The following ZSCAN25 variants were observed in gnomAD, a reference collection of about 807,000 sequenced individuals.
The protein encoded by ZSCAN25 is zinc finger and SCAN domain-containing protein 25.
In ZSCAN25, 27 loss-of-function variants were observed where a neutral mutation model predicts 38.7. The ratio of observed to expected loss-of-function variants is 0.70; its 90% CI spans 0.51 to 0.96. The LOEUF is 0.96. Among genes scored for constraint, ZSCAN25 ranks in the 40% least tolerant of loss-of-function variants. ZSCAN25 has a pLI of 0.00. For synonymous variants in ZSCAN25, 273 were observed against 277.7 expected (o/e 0.98, Z 0.17); for missense variants, 637 against 705.9 (o/e 0.90, Z 1.11).
At chr7:99,638,960 G>A in the ZSCAN25 span, among the ~76,000 whole-genome samples, 4 of 152,330 alleles carry the variant, frequency 2.6e-5, no homozygotes, top group South Asian at 4.1e-4. Flanking sequence ...TCCTCCAGTC[G>A]CCGCTGCCAC....
the ZSCAN25 span, among the ~76,000 whole-genome samples, chr7:99,639,956 A>G: frequency 2.6e-5 from 4 of 151,752 alleles, no homozygotes; most frequent in Non-Finnish European, 5.9e-5. Flanking sequence ...AGTCCCAGCT[A>G]CTCAAGAGGT....
the ZSCAN25 span, among the ~76,000 whole-genome samples, chr7:99,658,274 C>G: frequency 6.6e-6 from 1 of 152,116 alleles, no homozygotes; most frequent in Non-Finnish European, 1.5e-5. Context: ...TAGGGCAGGC[C>G]TGGTGGTGAC....
At chr7:99,621,675 C>T (rs547130748) in intron 5 of ZSCAN25, 101 bp downstream of exon 5, 11 of 1,013,566 alleles carry the variant, frequency 1.1e-5, no homozygotes, top group East Asian at 3.3e-5. Flanking sequence ...AAGTTACCCA[C>T]GAGGTGTAAT....
chr7:99,684,955 C>A, the ZSCAN25 span: 1 of 468,874 alleles, frequency 2.1e-6, no homozygotes, highest in Non-Finnish European at 3.8e-6. Context: ...TTTATATTCC[C>A]AAGTATAACA....
At chr7:99,654,245 A>C in the ZSCAN25 span, among the ~76,000 whole-genome samples, 43,040 of 151,862 alleles carry the variant, frequency 0.28, 12,039 homozygotes, top group African/African-American at 0.72. Flanking sequence ...TCCCACCCCA[A>C]AACAGGCCCC....
At position 99,619,976 on chromosome 7, in the gene ZSCAN25, GC is replaced by G. The variant is rs1562963525; in HGVS notation, c.371del (p.Ala124AspfsTer87). ...AAMVEDLTER[A>X]LEAKAVPCHR... is the part of the protein sequence containing the mutation. ...CATGGTGGAGGACCTGACAGAAAGAGCACTGGAGGCCAAGGCGGTGGGTGAG... is the reference window on the plus strand; with the variant it reads ...CATGGTGGAGGACCTGACAGAAAGAGACTGGAGGCCAAGGCGGTGGGTGAG... On this transcript the variant is annotated frameshift_variant, in exon 4 of 8. Transcript: ENST00000394152. LOFTEE classifies it high-confidence loss of function. 1.2e-6 allele frequency: 2 copies of G among 1,613,394 alleles called. No individual in the cohort carries two copies. Among genetic ancestry groups the G allele is most frequent in the Non-Finnish European group, 8.5e-7 (1 of 1,179,888 alleles).
chr7:99,717,264 A>G, the ZSCAN25 span: 8 of 1,613,972 alleles, frequency 5.0e-6, no homozygotes, highest in East Asian at 8.9e-5. Flanking sequence ...GATAGGGACC[A>G]TCTAAGCACA....
At chr7:99,624,816 G>A (rs1048925470) in intron 7 of ZSCAN25, among the ~76,000 whole-genome samples, 1 of 152,196 alleles carries the variant, frequency 6.6e-6, no homozygotes, top group Admixed American at 6.5e-5. Flanking sequence ...GCCCACAGGG[G>A]CTGCCAGCAG....
the ZSCAN25 span, among the ~76,000 whole-genome samples, chr7:99,693,154 AG>A: frequency 6.6e-6 from 1 of 152,130 alleles, no homozygotes; most frequent in Non-Finnish European, 1.5e-5. Flanking sequence ...CAGACTCCTC[AG>A]CTGCAGGTCT....
At chr7:99,721,297 T>C in the ZSCAN25 span, among the ~76,000 whole-genome samples, 19 of 152,254 alleles carry the variant, frequency 1.2e-4, no homozygotes, top group African/African-American at 4.3e-4. Flanking sequence ...CACACTTACA[T>C]AGAAAGTTTA....
At chr7:99,695,713 A>G in the ZSCAN25 span, 1 of 1,575,278 alleles carries the variant, frequency 6.3e-7, no homozygotes, top group East Asian at 2.2e-5. Flanking sequence ...CTCCAATCAT[A>G]AGAAGCCAAA....
chr7:99,716,579 G>T, the ZSCAN25 span, among the ~76,000 whole-genome samples: 1 of 152,138 alleles, frequency 6.6e-6, no homozygotes, highest in Non-Finnish European at 1.5e-5. Context: ...CATATCCCCT[G>T]TCTGCCCAGG....
the ZSCAN25 span, among the ~76,000 whole-genome samples, chr7:99,695,091 T>C: frequency 6.6e-6 from 1 of 152,096 alleles, no homozygotes; most frequent in East Asian, 1.9e-4. Context: ...ACCCATAAGG[T>C]GCAGCCTTTG....
In ZSCAN25 at chr7:99,619,688, C is replaced by G; in HGVS notation, c.82C>G (p.Pro28Ala). 3.1e-6 allele frequency: 5 copies of G among 1,614,220 alleles called. No individual in the cohort carries two copies. The highest frequency in any genetic ancestry group is 4.2e-6 in the Non-Finnish European group (5 of 1,180,030). ...TGTGGTGAAACTGGAGAAAGAGTTG[C>G]CATGGGGCAGAGGAAGGGAGGACCC... ...IPVVKLEKEL[P>A]WGRGREDPSP... The change falls in exon 4 of 8, where the codon CCA becomes GCA. Residue 28 changes from proline (P) to alanine (A), a missense_variant. Pro to Ala is a conservative substitution (Grantham distance 27, BLOSUM62 -1). Transcript: ENST00000394152.
chr7:99,662,932 A>C, the ZSCAN25 span: 1 of 1,609,646 alleles, frequency 6.2e-7, no homozygotes, highest in South Asian at 1.1e-5. This position sits in a 1 kb window ranked among gnomAD's most constrained non-coding sequence, Gnocchi z 4.3. Context: ...TCGTGAAGTC[A>C]GAAGTAAATC....
At chr7:99,618,991 C>T (rs1562962279) in intron 2 of ZSCAN25, 57 bp from the exon 3 acceptor site, 1 of 152,260 alleles carries the variant, frequency 6.6e-6, no homozygotes, top group African/African-American at 2.4e-5. Context: ...TTTAGAAAAG[C>T]CTTCTTCAAG....
chr7:99,619,445 A>G, intron 3 of ZSCAN25, 116 bp from the exon 4 acceptor site: 1 of 813,950 alleles, frequency 1.2e-6, no homozygotes, highest in South Asian at 1.8e-5. Flanking sequence ...ATCTGTGTTC[A>G]GTCTTTTGAA....
In ZSCAN25 at chr7:99,631,726, G is replaced by C. The variant is rs148464501; in HGVS notation, c.*1706G>C. The C allele has an allele frequency of 9.2e-5, 91 of 985,276 alleles. 1 individual carries two copies. The African/African-American group carries it at 1.5e-3, about 16-fold the overall frequency. 61.0% of individuals were successfully genotyped at this position (985,276 alleles called of 1,614,324 possible). A position where few individuals can be genotyped will look rare whatever the true frequency, so the allele number is the denominator to read the frequency against. On this transcript the variant is annotated 3_prime_UTR_variant, in exon 8 of 8. Coordinates refer to ENST00000394152, the MANE Select transcript of ZSCAN25 (RefSeq NM_145115.3). The stretch of plus-strand genomic sequence containing the variant: ...GTGGTTTTATCACCTGTTCTTGTTA[G>C]GCAGCATGGTGTCTAATTTTGGCTT...
chr7:99,652,515 T>G, the ZSCAN25 span: 52 of 1,454,870 alleles, frequency 3.6e-5, no homozygotes, highest in African/African-American at 4.5e-4. Context: ...TGAACCAGCC[T>G]GGGTCAGGGT....
Sources: allele counts gnomAD v4.1 joint callset (sites outside exome capture counted in the v4.1 genomes callset), GRCh38; gene constraint gnomAD v4.1.1; non-coding constraint Gnocchi (gnomAD v3.1); transcripts MANE v1.5; gene names NCBI Gene and HGNC (gene_info 2026-07-23, HGNC 2026-07-21).